The following CCDC122 variants were observed in gnomAD, a reference collection of about 807,000 sequenced individuals.
CCDC122 encodes coiled-coil domain-containing protein 122.
In CCDC122, 38 loss-of-function variants were observed where a neutral mutation model predicts 37.0. That is an observed-to-expected ratio of 1.03 (90% CI 0.79 to 1.35). The LOEUF is 1.35. Ranked by LOEUF, CCDC122 falls within the 40% of genes most tolerant of loss-of-function variation. The pLI, the probability that CCDC122 is intolerant of heterozygous loss-of-function variation, is 0.00. For synonymous variants in CCDC122, 83 were observed against 95.6 expected, an observed-to-expected ratio of 0.87 and a Z score of 0.77; for missense variants, 305 against 310.0, an observed-to-expected ratio of 0.98 and a Z score of 0.12.
intron 6 of CCDC122, among the ~76,000 whole-genome samples, chr13:43,842,251 A>G (rs1953380574): frequency 6.6e-6 from 1 of 152,070 alleles, no homozygotes; most frequent in Non-Finnish European, 1.5e-5. Context: ...ATACAGGTTC[A>G]TTGTTTCCTC....
rs1370729073 is a variant in CCDC122 at position 43,860,962 on chromosome 13, TACA to T, written c.157-895_157-893del. On this transcript the variant is annotated intron_variant, in intron 4 of 6. Transcript: ENST00000444614. ...CCAGAATCACAAAACCTCAGTAGCATACAACAATACATAAGTATATATTGCTGA... is the reference window on the plus strand; with the variant it reads ...CCAGAATCACAAAACCTCAGTAGCATACAATACATAAGTATATATTGCTGA... Among the ~76,000 whole-genome samples the T allele has an allele frequency of 2.6e-5, 4 of 152,314 alleles. No homozygotes were observed. The East Asian group carries it at 5.8e-4, about 22-fold the overall frequency.
In CCDC122 at chr13:43,858,859, TAC is replaced by T. The variant is rs1253730893; in HGVS notation, c.592_593del (p.Val198LysfsTer6). 4 of 1,414,618 alleles carry T rather than the reference TAC, an allele frequency of 2.8e-6. No homozygotes were observed. Among genetic ancestry groups the T allele is most frequent in the Non-Finnish European group, 3.8e-6 (4 of 1,050,934 alleles). The allele number at this position is 1,414,618 out of a possible 1,614,324, so 87.6% of individuals were successfully genotyped here. The part of the protein sequence containing the change: ...ITNLKDKIIT[V>X]KESIIEKTCF... ...AAGTTTTTTCAATGATAGATTCTTT[TAC>T]AGTTATAATTTTATCCTTTAAGTTT... On this transcript the variant is annotated frameshift_variant, in exon 6 of 7. Coordinates refer to ENST00000444614, the MANE Select transcript of CCDC122 (RefSeq NM_144974.5). LOFTEE classifies it high-confidence loss of function.
intron 1 of CCDC122, among the ~76,000 whole-genome samples, chr13:43,876,192 C>G (rs968311577): frequency 2.0e-5 from 3 of 152,192 alleles, no homozygotes; most frequent in Admixed American, 6.5e-5. Context: ...TTTTTAGTCA[C>G]CCAGTTAGTG....
downstream of CCDC122, among the ~76,000 whole-genome samples, chr13:43,822,272 C>A (rs141500616): frequency 5.1e-4 from 77 of 152,312 alleles, no homozygotes; most frequent in African/African-American, 1.8e-3. Context: ...AGCAGAGACT[C>A]GTGTTCTTTT....
intron 6 of CCDC122, among the ~76,000 whole-genome samples, chr13:43,849,715 A>G (rs1440090067): frequency 6.6e-6 from 1 of 152,170 alleles, no homozygotes; most frequent in Admixed American, 6.5e-5. Flanking sequence ...TACAGAAAAA[A>G]CTATGGCCCC....
chr13:43,837,298 G>A lies in CCDC122; in HGVS notation c.804C>T (p.Cys268=). 6.2e-7 allele frequency: 1 copy of A among 1,613,856 alleles called. No homozygotes were observed. The highest frequency in any genetic ancestry group is 8.5e-7 in the Non-Finnish European group (1 of 1,179,926). ...LEKTAAELRK[C]IGMQE ...GGCAATGTTACTCTTGCATTCCAAT[G>A]CATTTTCTTAATTCGGCTGCAGTTT... The change falls in exon 7 of 7, where the codon TGC becomes TGT. Residue 268 remains cysteine, a synonymous_variant. Coordinates refer to ENST00000444614, the MANE Select transcript of CCDC122 (RefSeq NM_144974.5).
At chr13:43,853,531 C>A (rs887590600) in intron 6 of CCDC122, among the ~76,000 whole-genome samples, 1 of 152,174 alleles carries the variant, frequency 6.6e-6, no homozygotes. Context: ...GACCCCCACA[C>A]AATAATGGTG....
chr13:43,823,679 T>C (rs9533634), downstream of CCDC122, among the ~76,000 whole-genome samples: 80,901 of 152,190 alleles, frequency 0.53, 22,718 homozygotes, highest in Non-Finnish European at 0.65. Flanking sequence ...GCCTCCTCCA[T>C]GCGTGGGCGC....
rs186368051 is a variant in CCDC122 at position 43,847,850 on chromosome 13, T to C, written c.673-10421A>G. 1.5e-3 allele frequency among the ~76,000 whole-genome samples: 232 copies of C among 152,268 alleles called. 1 individual carries two copies. The highest frequency in any genetic ancestry group is 2.2e-3 in the Non-Finnish European group (149 of 68,002). On this transcript the variant is annotated intron_variant, in intron 6 of 6. Coordinates refer to ENST00000444614, the MANE Select transcript of CCDC122 (RefSeq NM_144974.5). ...AGTGTAGTGACACAATCTCAGCTCA[T>C]TGCAACCTCTTCCTCCCAGTCTCAA...
At chr13:43,848,952 A>G (rs12867890) in intron 6 of CCDC122, 483,137 of 966,434 alleles carry the variant, frequency 0.5, 127,238 homozygotes, top group Non-Finnish European at 0.54. Flanking sequence ...TTCTCTAAAA[A>G]CTGGTTGTTT....
intron 6 of CCDC122, among the ~76,000 whole-genome samples, chr13:43,856,878 TA>T (rs746627071): frequency 1.7e-4 from 26 of 152,340 alleles, no homozygotes; most frequent in Non-Finnish European, 3.5e-4. Flanking sequence ...CATGTTAGTC[TA>T]AATAAATCAA....
chr13:43,850,646 G>A (rs1169907654), intron 6 of CCDC122, among the ~76,000 whole-genome samples: 1 of 152,082 alleles, frequency 6.6e-6, no homozygotes, highest in East Asian at 1.9e-4. Context: ...AAAATAGATT[G>A]AAAATAGAAA....
At chr13:43,832,290 AT>A (rs144710044), downstream of CCDC122, among the ~76,000 whole-genome samples, 54,161 of 151,882 alleles carry the variant, frequency 0.36, 9,837 homozygotes, top group East Asian at 0.44. Flanking sequence ...AATATTAAAA[AT>A]ATGAGAAGCT....
At chr13:43,853,248 A>G (rs1380072050) in intron 6 of CCDC122, among the ~76,000 whole-genome samples, 1 of 152,210 alleles carries the variant, frequency 6.6e-6, no homozygotes, top group Non-Finnish European at 1.5e-5. Context: ...GACCCATCTC[A>G]CATGCAATGA....
intron 1 of CCDC122, among the ~76,000 whole-genome samples, chr13:43,876,664 G>C (rs951143455): frequency 5.9e-5 from 9 of 152,160 alleles, no homozygotes; most frequent in African/African-American, 1.7e-4. Flanking sequence ...ACTTGTGTTT[G>C]TTTGCAAACC....
chr13:43,874,353 C>T (rs938290248), intron 2 of CCDC122, among the ~76,000 whole-genome samples: 2 of 152,080 alleles, frequency 1.3e-5, no homozygotes, highest in Admixed American at 6.5e-5. Flanking sequence ...GAATAATCAA[C>T]ATATTTTTAT....
intron 6 of CCDC122, among the ~76,000 whole-genome samples, chr13:43,849,582 C>T (rs1953657330): frequency 6.6e-6 from 1 of 152,080 alleles, no homozygotes; most frequent in Non-Finnish European, 1.5e-5. Context: ...TCTGGAAATG[C>T]CAAGAAATAC....
downstream of CCDC122, among the ~76,000 whole-genome samples, chr13:43,833,203 T>C (rs1316283682): frequency 6.6e-6 from 1 of 152,196 alleles, no homozygotes; most frequent in Non-Finnish European, 1.5e-5. Context: ...GCACATGTAG[T>C]AAGTAATATT....
At chr13:43,870,702 T>G (rs1317297373) in intron 2 of CCDC122, among the ~76,000 whole-genome samples, 1 of 151,162 alleles carries the variant, frequency 6.6e-6, no homozygotes, top group Non-Finnish European at 1.5e-5. Context: ...ATTACAATGT[T>G]CATTTTACAA....
Sources: allele counts gnomAD v4.1 joint callset (sites outside exome capture counted in the v4.1 genomes callset), GRCh38; gene constraint gnomAD v4.1.1; transcripts MANE v1.5; gene names NCBI Gene and HGNC (gene_info 2026-07-23, HGNC 2026-07-21).